Variants in TOX observed in about 807,000 individuals in gnomAD.
TOX encodes thymocyte selection associated high mobility group box, also known as thymocyte selection-associated high mobility group box protein TOX.
In TOX, 11 loss-of-function variants were observed where a neutral mutation model predicts 53.7. The ratio of observed to expected loss-of-function variants is 0.20; its 90% CI spans 0.13 to 0.34. The LOEUF (loss-of-function observed/expected upper bound fraction) is 0.34, where lower values mean the gene tolerates loss of function less well. TOX is among the 10% of genes least tolerant of loss of function. The probability of loss-of-function intolerance (pLI) is 1.00; values close to 1 mark genes in which losing one functional copy is unlikely to be tolerated. For missense variants in TOX, 570 were observed against 664.6 expected (o/e 0.86, Z 1.56); for synonymous variants, 225 against 245.3 (o/e 0.92, Z 0.77).
chr8:58,844,104 A>C, intron 4 of TOX, among the ~76,000 whole-genome samples: 1 of 152,190 alleles, frequency 6.6e-6, no homozygotes, highest in Non-Finnish European at 1.5e-5. Flanking sequence ...ATGGAAGCTT[A>C]TAATTTTAAA....
chr8:58,813,633 G>A (rs575627019), intron 7 of TOX, among the ~76,000 whole-genome samples: 1 of 152,292 alleles, frequency 6.6e-6, no homozygotes, highest in Admixed American at 6.5e-5. Context: ...TGCCTCTTAA[G>A]ACAAGGCAGG....
chr8:58,943,674 G>C (rs116986162), intron 2 of TOX, among the ~76,000 whole-genome samples: 2 of 151,280 alleles, frequency 1.3e-5, no homozygotes, highest in East Asian at 3.9e-4. Context: ...CATGTCCTTG[G>C]AAGTCCTATG....
rs1562613 is a variant in TOX at position 58,846,233 on chromosome 8, T to A, written c.693+5291A>T. 1.7e-3 allele frequency among the ~76,000 whole-genome samples: 250 copies of A among 150,302 alleles called. 2 individuals are homozygous for A. Among genetic ancestry groups the A allele is most frequent in the African/African-American group, 4.0e-3 (164 of 41,366 alleles). On this transcript the variant is annotated intron_variant, in intron 4 of 8. Transcript: ENST00000361421. Reference sequence around the variant, plus strand: ...CTTAACGAATAGAATACTTTTTTTTTAAAATAAATAAGGGTCATACATTAG... The same window carrying A: ...CTTAACGAATAGAATACTTTTTTTTAAAAATAAATAAGGGTCATACATTAG...
chr8:58,876,472 G>A (rs1016047431), intron 3 of TOX, among the ~76,000 whole-genome samples: 1 of 152,140 alleles, frequency 6.6e-6, no homozygotes. Flanking sequence ...CTGGGGTGGG[G>A]GGAAAGGACA....
chr8:59,084,037 T>A (rs1422020330), intron 1 of TOX, among the ~76,000 whole-genome samples: 1 of 152,196 alleles, frequency 6.6e-6, no homozygotes, highest in Non-Finnish European at 1.5e-5. Flanking sequence ...CTTTTAATGC[T>A]CAGGTTATAA....
At chr8:59,028,435 T>C (rs1434316952) in intron 1 of TOX, among the ~76,000 whole-genome samples, 1 of 152,150 alleles carries the variant, frequency 6.6e-6, no homozygotes, top group Non-Finnish European at 1.5e-5. Flanking sequence ...CAAAAATGAA[T>C]TGTTTGCAAA....
At chr8:58,852,142 CAT>C (rs1810834912) in intron 3 of TOX, among the ~76,000 whole-genome samples, 1 of 151,964 alleles carries the variant, frequency 6.6e-6, no homozygotes, top group Non-Finnish European at 1.5e-5. Flanking sequence ...ACAGCATGAT[CAT>C]ATTTATATAA....
intron 3 of TOX, among the ~76,000 whole-genome samples, chr8:58,936,794 T>C (rs969932950): frequency 1.3e-5 from 2 of 152,184 alleles, no homozygotes; most frequent in Non-Finnish European, 2.9e-5. Context: ...CTGGAAAAAT[T>C]GGGCTTAATA....
intron 2 of TOX, among the ~76,000 whole-genome samples, chr8:58,953,933 T>C (rs6988253): frequency 0.31 from 46,994 of 151,954 alleles, 7,540 homozygotes; most frequent in East Asian, 0.4. Context: ...TACTCTAACC[T>C]GGAGAATTTT....
intron 1 of TOX, among the ~76,000 whole-genome samples, chr8:58,988,480 G>T (rs1274787486): frequency 2.0e-5 from 3 of 152,166 alleles, no homozygotes; most frequent in Non-Finnish European, 4.4e-5. Context: ...TCCTTTACAG[G>T]AAAATGATGC....
chr8:58,992,477 C>T (rs1439206524), intron 1 of TOX, among the ~76,000 whole-genome samples: 1 of 152,098 alleles, frequency 6.6e-6, no homozygotes, highest in African/African-American at 2.4e-5. Context: ...GTTTTAGGTG[C>T]CCAACATTAT....
chr8:59,057,997 G>T lies in TOX; in HGVS notation c.102+60889C>A, dbSNP rs890097063. On this transcript the variant is annotated intron_variant, in intron 1 of 8. Transcript: ENST00000361421. ...AGAATGTGGACTACAGGTCAATCCA[G>T]GCTCTAGACGGAAAAAATAATATTT... is the stretch of plus-strand genomic sequence containing the variant. Among the ~76,000 whole-genome samples the T allele has an allele frequency of 9.9e-5, 15 of 152,156 alleles. 1 individual carries two copies. The highest frequency in any genetic ancestry group is 7.9e-4 in the Admixed American group (12 of 15,286).
chr8:59,086,406 G>C (rs1177229666), intron 1 of TOX, among the ~76,000 whole-genome samples: 1 of 152,132 alleles, frequency 6.6e-6, no homozygotes, highest in Non-Finnish European at 1.5e-5. Flanking sequence ...TCCATGTCCA[G>C]AAGACAGAAT....
At chr8:58,871,218 A>G (rs1811191970) in intron 3 of TOX, among the ~76,000 whole-genome samples, 1 of 151,178 alleles carries the variant, frequency 6.6e-6, no homozygotes, top group Non-Finnish European at 1.5e-5. Context: ...TTCCAATTAT[A>G]TGTGGACAGT....
At chr8:58,997,292 T>C (rs1159899743) in intron 1 of TOX, among the ~76,000 whole-genome samples, 5 of 87,030 alleles carry the variant, frequency 5.7e-5, no homozygotes, top group African/African-American at 1.6e-4. Flanking sequence ...TGTGAGCAAT[T>C]TAGAAATAAG....
intron 1 of TOX, among the ~76,000 whole-genome samples, chr8:59,023,846 G>C (rs2129419575): frequency 6.6e-6 from 1 of 152,238 alleles, no homozygotes; most frequent in East Asian, 1.9e-4. Context: ...TGGTCACAAA[G>C]CTTGAGCTTG....
At chr8:58,896,948 T>C (rs1469614681) in intron 3 of TOX, among the ~76,000 whole-genome samples, 2 of 152,244 alleles carry the variant, frequency 1.3e-5, no homozygotes, top group African/African-American at 4.8e-5. Context: ...TATAAAGGCA[T>C]ATAAGACATT....
At chr8:58,973,490 T>C (rs1165623873) in intron 1 of TOX, among the ~76,000 whole-genome samples, 1 of 152,234 alleles carries the variant, frequency 6.6e-6, no homozygotes, top group Non-Finnish European at 1.5e-5. Flanking sequence ...ATCTGCTATT[T>C]TCTCCATAAA....
chr8:58,965,460 C>T (rs745807562), intron 1 of TOX, among the ~76,000 whole-genome samples: 23 of 151,854 alleles, frequency 1.5e-4, no homozygotes, highest in South Asian at 2.1e-4. Context: ...CTGAACATAG[C>T]GAATGACGAG....
Sources: allele counts gnomAD v4.1 joint callset (sites outside exome capture counted in the v4.1 genomes callset), GRCh38; gene constraint gnomAD v4.1.1; transcripts MANE v1.5; gene names NCBI Gene and HGNC (gene_info 2026-07-23, HGNC 2026-07-21).